The following LRRC4C variants were observed in gnomAD, a reference collection of about 807,000 sequenced individuals.
LRRC4C encodes the protein leucine-rich repeat-containing protein 4C.
Under a neutral mutation model 33.6 loss-of-function variants are expected in LRRC4C, and 5 were observed. The observed-to-expected ratio is 0.15, with a 90% CI of 0.08 to 0.31. LRRC4C has a LOEUF of 0.31. LRRC4C is among the 10% of genes least tolerant of loss of function. The pLI, the probability that LRRC4C is intolerant of heterozygous loss-of-function variation, is 1.00. For synonymous variants in LRRC4C, 329 were observed against 302.0 expected (o/e 1.09, Z -0.93); for missense variants, 560 against 796.7 (o/e 0.70, Z 3.58).
chr11:40,267,110 T>G (rs1433946302), intron 4 of LRRC4C, among the ~76,000 whole-genome samples: 4 of 152,116 alleles, frequency 2.6e-5, no homozygotes. Context: ...GGAGAACTGG[T>G]TCTCTCTTAT....
chr11:41,332,979 T>A (rs944670655), intron 1 of LRRC4C, among the ~76,000 whole-genome samples: 4 of 152,152 alleles, frequency 2.6e-5, no homozygotes, highest in African/African-American at 9.7e-5. Flanking sequence ...GCTTCTCTTG[T>A]AAAAGTTTCT....
chr11:40,155,168 T>C (rs912111894), intron 5 of LRRC4C, among the ~76,000 whole-genome samples: 1 of 152,028 alleles, frequency 6.6e-6, no homozygotes, highest in Non-Finnish European at 1.5e-5. Context: ...TGAATGACAA[T>C]AATGTCACAA....
intron 3 of LRRC4C, among the ~76,000 whole-genome samples, chr11:40,519,732 A>T (rs994270398): frequency 6.6e-6 from 1 of 152,208 alleles, no homozygotes. Context: ...AACATTCGTG[A>T]TTCATGGGAA....
Position 40,460,086 on chromosome 11 carries a change from C to T in LRRC4C, c.-269-140365G>A, listed in dbSNP as rs556545884. ...CAGTCATATTGAGAGTTAGACTATC[C>T]GGGGTAGTTTACTCTTTCCACAAAA... On this transcript the variant is annotated intron_variant, in intron 3 of 6. Coordinates refer to ENST00000528697, the MANE Select transcript of LRRC4C (RefSeq NM_001258419.2). 4.6e-5 allele frequency among the ~76,000 whole-genome samples: 7 copies of T among 152,164 alleles called. No homozygotes were observed. The South Asian group carries it at 1.0e-3, about 23-fold the overall frequency.
intron 2 of LRRC4C, among the ~76,000 whole-genome samples, chr11:40,805,584 T>A (rs564390077): frequency 1.3e-5 from 2 of 152,310 alleles, no homozygotes; most frequent in South Asian, 4.1e-4. Flanking sequence ...AAACACTAGT[T>A]TCAAGAGTGT....
At chr11:40,549,685 A>G (rs1380840229) in intron 3 of LRRC4C, among the ~76,000 whole-genome samples, 4 of 152,160 alleles carry the variant, frequency 2.6e-5, no homozygotes, top group Non-Finnish European at 4.4e-5. Flanking sequence ...TCTACTTTGT[A>G]ATCAGTAGTG....
At chr11:40,978,510 C>T (rs1298136371) in intron 1 of LRRC4C, among the ~76,000 whole-genome samples, 1 of 152,126 alleles carries the variant, frequency 6.6e-6, no homozygotes, top group Non-Finnish European at 1.5e-5. Flanking sequence ...AAACATTCTA[C>T]AGTACATAGG....
chr11:40,733,058 A>G (rs1185214892), intron 2 of LRRC4C, among the ~76,000 whole-genome samples: 1 of 126,000 alleles, frequency 7.9e-6, no homozygotes, highest in South Asian at 2.7e-4. Flanking sequence ...AGTTATGAAT[A>G]TAGTTTTTTT....
At chr11:40,277,599 T>TC (rs1943203118) in intron 4 of LRRC4C, among the ~76,000 whole-genome samples, 1 of 152,080 alleles carries the variant, frequency 6.6e-6, no homozygotes, top group African/African-American at 2.4e-5. Context: ...TAGTAAGTAG[T>TC]CCCATGTGAG....
intron 1 of LRRC4C, among the ~76,000 whole-genome samples, chr11:41,216,275 T>C (rs181508707): frequency 1.3e-5 from 2 of 152,148 alleles, no homozygotes; most frequent in Admixed American, 1.3e-4. Flanking sequence ...ACAGACACAA[T>C]AGAGCGGTGA....
chr11:41,278,233 CAATT>C (rs1949545088), intron 1 of LRRC4C, among the ~76,000 whole-genome samples: 1 of 152,162 alleles, frequency 6.6e-6, no homozygotes, highest in African/African-American at 2.4e-5. Flanking sequence ...ATGCATTTGT[CAATT>C]AGTTAGATTT....
At chr11:40,172,543 TA>T (rs1380364887) in intron 5 of LRRC4C, among the ~76,000 whole-genome samples, 1 of 152,132 alleles carries the variant, frequency 6.6e-6, no homozygotes, top group Non-Finnish European at 1.5e-5. Context: ...GCTCCCTTTT[TA>T]CCCTCCCATT....
intron 1 of LRRC4C, among the ~76,000 whole-genome samples, chr11:41,195,836 T>C (rs1432061800): frequency 6.6e-6 from 1 of 151,988 alleles, no homozygotes; most frequent in East Asian, 1.9e-4. Context: ...ATACACAAAA[T>C]TGGAGTCGAC....
chr11:40,893,627 C>G (rs1833332541), intron 2 of LRRC4C, among the ~76,000 whole-genome samples: 1 of 151,972 alleles, frequency 6.6e-6, no homozygotes, highest in African/African-American at 2.4e-5. Flanking sequence ...GATTTAATCT[C>G]ACAGGCACTT....
chr11:40,984,152 A>C (rs1310949478), intron 1 of LRRC4C, among the ~76,000 whole-genome samples: 2 of 151,044 alleles, frequency 1.3e-5, no homozygotes. Flanking sequence ...AAAAAAGTAA[A>C]GAAAGAAAGA....
chr11:40,411,664 G>A (rs558178368), intron 3 of LRRC4C, among the ~76,000 whole-genome samples: 4 of 152,132 alleles, frequency 2.6e-5, no homozygotes, highest in Admixed American at 2.0e-4. Context: ...TAAAGCAAAT[G>A]CTTAGTGATG....
chr11:40,961,218 A>G (rs1199095480), intron 1 of LRRC4C, among the ~76,000 whole-genome samples: 2 of 151,740 alleles, frequency 1.3e-5, no homozygotes, highest in East Asian at 3.9e-4. Flanking sequence ...AATTTCTGAG[A>G]CAAGAGCTAT....
chr11:41,346,813 A>G (rs1442039735), intron 1 of LRRC4C, among the ~76,000 whole-genome samples: 1 of 152,226 alleles, frequency 6.6e-6, no homozygotes, highest in Non-Finnish European at 1.5e-5. Context: ...CTGATTGACA[A>G]CTAAAGTACC....
chr11:41,211,341 G>A lies in LRRC4C; in HGVS notation c.-496+248090C>T, dbSNP rs188704742. 7.9e-5 allele frequency among the ~76,000 whole-genome samples: 12 copies of A among 151,922 alleles called. No homozygotes were observed. In the East Asian group the frequency reaches 1.7e-3, roughly 22 times the overall value. ...TTTTTATTCATTTATTTTTATTTTT[G>A]TATTATACTTTAAGTTCTAGGGTAC... On this transcript the variant is annotated intron_variant, in intron 1 of 6. Transcript: ENST00000528697.
Sources: allele counts gnomAD v4.1 joint callset (sites outside exome capture counted in the v4.1 genomes callset), GRCh38; gene constraint gnomAD v4.1.1; transcripts MANE v1.5; gene names NCBI Gene and HGNC (gene_info 2026-07-23, HGNC 2026-07-21).